The following TAAR2 variants were observed in gnomAD, a reference collection of about 807,000 sequenced individuals.
TAAR2 encodes trace amine-associated receptor 2.
In TAAR2, 30 loss-of-function variants were observed where a neutral mutation model predicts 25.5. The ratio of observed to expected loss-of-function variants is 1.18; its 90% confidence interval spans 0.88 to 1.60. TAAR2 has a LOEUF of 1.60. TAAR2 is among the 40% of genes most tolerant of loss of function. The probability of loss-of-function intolerance (pLI) is 0.00; values close to 1 mark genes in which losing one functional copy is unlikely to be tolerated. For synonymous variants in TAAR2, 150 were observed against 142.4 expected, an observed-to-expected ratio of 1.05 and a Z score of -0.38; for missense variants, 481 against 416.5, an observed-to-expected ratio of 1.15 and a Z score of -1.35.
chr6:132,618,802 C>T (rs553911390), intron 1 of TAAR2, among the ~76,000 whole-genome samples: 1 of 152,296 alleles, frequency 6.6e-6, no homozygotes, highest in South Asian at 2.1e-4. Context: ...TTAGACAATA[C>T]ATGTACTTCT....
chr6:132,619,503 C>T (rs1275480369), intron 1 of TAAR2, among the ~76,000 whole-genome samples: 1 of 152,090 alleles, frequency 6.6e-6, no homozygotes, highest in African/African-American at 2.4e-5. Context: ...AAATAAATTA[C>T]CAGCCTCTGT....
At chr6:132,622,954 G>A (rs991951643) in intron 1 of TAAR2, among the ~76,000 whole-genome samples, 8 of 152,002 alleles carry the variant, frequency 5.3e-5, no homozygotes, top group Non-Finnish European at 1.5e-5. Flanking sequence ...TAAATGGATG[G>A]TATAATATAT....
At chr6:132,621,470 G>A (rs1164480190) in intron 1 of TAAR2, among the ~76,000 whole-genome samples, 1 of 151,900 alleles carries the variant, frequency 6.6e-6, no homozygotes, top group Non-Finnish European at 1.5e-5. Context: ...CTGTGTCCAC[G>A]TGTACTCTTG....
Position 132,624,245 on chromosome 6 carries a change from A to G in TAAR2, c.31T>C (p.Ser11Pro). Residue 11 changes from serine (S) to proline (P), a missense_variant, in exon 1 of 2, where the codon TCA (serine) becomes CCA (proline). Physicochemically the swap from Ser to Pro is moderately conservative, Grantham distance 74. Coordinates refer to ENST00000367931, the MANE Select transcript of TAAR2 (RefSeq NM_001033080.1). ...TTTGTCTGTGTTCTTTTGAAATGTGAAAGTTCATGTTGCTCTGATGAGACA... is the reference window on the plus strand; with the variant it reads ...TTTGTCTGTGTTCTTTTGAAATGTGGAAGTTCATGTTGCTCTGATGAGACA... Reference protein sequence around the residue: MAVSSEQHELSHFKRTQTKKE... With the variant: MAVSSEQHELPHFKRTQTKKE... The G allele has an allele frequency of 6.2e-6, 10 of 1,613,526 alleles. No homozygotes were observed. Among genetic ancestry groups the G allele is most frequent in the Non-Finnish European group, 8.5e-6 (10 of 1,179,700 alleles).
In TAAR2 at chr6:132,617,488, C is replaced by T; in HGVS notation, c.718G>A (p.Ala240Thr). 5 of 1,613,980 alleles carry T rather than the reference C, an allele frequency of 3.1e-6. No individual in the cohort carries two copies. Among genetic ancestry groups the T allele is most frequent in the Non-Finnish European group, 4.2e-6 (5 of 1,179,964 alleles). Residue 240 changes from alanine to threonine, a missense_variant, in exon 2 of 2, where the codon GCT (alanine) becomes ACT (threonine). Ala to Thr is a moderately conservative substitution (Grantham distance 58, BLOSUM62 0). Coordinates refer to ENST00000367931, the MANE Select transcript of TAAR2 (RefSeq NM_001033080.1). The part of the protein sequence containing the change: ...GKIFAVSRKH[A>T]HAINNLRENQ... ...TCTCGCAAGTTATTGATGGCATGAG[C>T]ATGTTTTCTGGATACTGCAAAAATT...
intron 1 of TAAR2, among the ~76,000 whole-genome samples, chr6:132,622,886 AT>A (rs1777393225): frequency 6.6e-6 from 1 of 152,044 alleles, no homozygotes; most frequent in Non-Finnish European, 1.5e-5. Context: ...CAAGCTGTTG[AT>A]TTCTTTTGAT....
intron 1 of TAAR2, among the ~76,000 whole-genome samples, chr6:132,622,021 C>T (rs531144692): frequency 3.9e-5 from 6 of 152,152 alleles, no homozygotes; most frequent in African/African-American, 1.4e-4. Context: ...CTATAGCTTT[C>T]AAGGGTCATT....
At chr6:132,622,066 A>G (rs764514442) in intron 1 of TAAR2, among the ~76,000 whole-genome samples, 1 of 152,138 alleles carries the variant, frequency 6.6e-6, no homozygotes, top group Non-Finnish European at 1.5e-5. Flanking sequence ...ATAAGCATCT[A>G]TAGATACATG....
intron 1 of TAAR2, among the ~76,000 whole-genome samples, chr6:132,622,280 A>G (rs1207423289): frequency 4.6e-5 from 7 of 151,648 alleles, no homozygotes; most frequent in African/African-American, 1.5e-4. Flanking sequence ...CAAACTACAG[A>G]ACCATGACCA....
chr6:132,619,760 T>C (rs1777350552), intron 1 of TAAR2, among the ~76,000 whole-genome samples: 1 of 152,130 alleles, frequency 6.6e-6, no homozygotes, highest in African/African-American at 2.4e-5. Flanking sequence ...AGATCAAAAA[T>C]GGACAAGATC....
At chr6:132,621,962 C>T (rs565350965) in intron 1 of TAAR2, among the ~76,000 whole-genome samples, 1 of 152,190 alleles carries the variant, frequency 6.6e-6, no homozygotes, top group East Asian at 1.9e-4. Context: ...TCATATCTTT[C>T]ATATTTGTTG....
intron 1 of TAAR2, among the ~76,000 whole-genome samples, chr6:132,619,261 C>G (rs74569039): frequency 0.018 from 2,814 of 152,274 alleles, 67 homozygotes; most frequent in East Asian, 0.072. Flanking sequence ...CCCATGCCCT[C>G]CTTGTGTTGG....
intron 1 of TAAR2, among the ~76,000 whole-genome samples, chr6:132,621,761 G>A (rs1245745494): frequency 6.6e-6 from 1 of 152,072 alleles, no homozygotes; most frequent in Non-Finnish European, 1.5e-5. Flanking sequence ...ATAATATGAT[G>A]TCTACATTCA....
rs757706118 is a variant in TAAR2, at chr6:132,617,429, T to C, written c.777A>G (p.Lys259=). 6.2e-7 allele frequency: 1 copy of C among 1,613,736 alleles called. No individual in the cohort carries two copies. Among genetic ancestry groups the C allele is most frequent in the Non-Finnish European group, 8.5e-7 (1 of 1,179,926 alleles). ...TCACTATTCCTAAAGTTTTGGCAGC[T>C]TTTTTGTCTTTCTTCACTTGATTAT... The part of the protein sequence containing the change: ...NQNNQVKKDK[K]AAKTLGIVIG... The change falls in exon 2 of 2, where the codon AAA becomes AAG. Residue 259 remains lysine, a synonymous_variant. Coordinates refer to ENST00000367931, the MANE Select transcript of TAAR2 (RefSeq NM_001033080.1).
chr6:132,622,478 CTTTTTT>C (rs1156767001), intron 1 of TAAR2, among the ~76,000 whole-genome samples: 3 of 57,378 alleles, frequency 5.2e-5, no homozygotes, highest in African/African-American at 8.1e-5. Context: ...TTAGTAACCA[CTTTTTT>C]TTTTTTTTTT....
chr6:132,623,575 C>T (rs189210954), intron 1 of TAAR2, among the ~76,000 whole-genome samples: 50 of 152,122 alleles, frequency 3.3e-4, no homozygotes, highest in African/African-American at 1.2e-3. Flanking sequence ...AACTCCTTAC[C>T]GAAGGAACTT....
chr6:132,617,482 C>T lies in TAAR2; in HGVS notation c.724G>A (p.Ala242Thr), dbSNP rs1490878193. ...TGATTTTCTCGCAAGTTATTGATGG[C>T]ATGAGCATGTTTTCTGGATACTGCA... ...IFAVSRKHAH[A>T]INNLRENQNN... is the part of the protein sequence containing the mutation. Residue 242 changes from alanine (A) to threonine (T), a missense_variant, in exon 2 of 2, where the codon GCC (alanine) becomes ACC (threonine). Ala to Thr is a moderately conservative substitution (Grantham distance 58). Coordinates refer to ENST00000367931, the MANE Select transcript of TAAR2 (RefSeq NM_001033080.1). 1 of 1,613,976 alleles carries T rather than the reference C, an allele frequency of 6.2e-7. No homozygotes were observed. Among genetic ancestry groups the T allele is most frequent in the Non-Finnish European group, 8.5e-7 (1 of 1,179,966 alleles).
intron 1 of TAAR2, among the ~76,000 whole-genome samples, chr6:132,619,603 A>G (rs2114610818): frequency 6.6e-6 from 1 of 152,340 alleles, no homozygotes; most frequent in Non-Finnish European, 1.5e-5. Context: ...GAAAGCATGA[A>G]GGTCAACCCT....
chr6:132,619,578 CAAGGA>C (rs1489838532), intron 1 of TAAR2, among the ~76,000 whole-genome samples: 1 of 151,900 alleles, frequency 6.6e-6, no homozygotes, highest in Non-Finnish European at 1.5e-5. Context: ...ATGAAAGATA[CAAGGA>C]AAGGAAGAAG....
Sources: allele counts gnomAD v4.1 joint callset (sites outside exome capture counted in the v4.1 genomes callset), GRCh38; gene constraint gnomAD v4.1.1; transcripts MANE v1.5; gene names NCBI Gene and HGNC (gene_info 2026-07-23, HGNC 2026-07-21).